GOLM2: variants seen among roughly 807,000 people sequenced by gnomAD.
The protein encoded by GOLM2 is protein GOLM2.
In GOLM2, 26 loss-of-function variants were observed where a neutral mutation model predicts 55.9. That is an observed-to-expected ratio of 0.47 (90% CI 0.34 to 0.65). The LOEUF (loss-of-function observed/expected upper bound fraction) is 0.65. Among genes scored for constraint, GOLM2 ranks in the 30% least tolerant of loss-of-function variants. The probability of loss-of-function intolerance (pLI) is 0.01; values close to 1 mark genes in which losing one functional copy is unlikely to be tolerated. For missense variants in GOLM2, 486 were observed against 531.8 expected, an observed-to-expected ratio of 0.91 and a Z score of 0.85; for synonymous variants, 165 against 194.6, an observed-to-expected ratio of 0.85 and a Z score of 1.27.
rs540625181 is a variant in GOLM2, at chr15:44,405,642, G to A, written c.1240+2588G>A. 4.6e-5 allele frequency among the ~76,000 whole-genome samples: 7 copies of A among 151,028 alleles called. No individual in the cohort carries two copies. The South Asian group carries it at 1.3e-3, about 27-fold the overall frequency. ...GTTTTTTTGCTTTTTTTTTTGAGAC[G>A]GAGTCTCACTCTGTCTCACCCAGGC... On this transcript the variant is annotated intron_variant, in intron 9 of 9. Coordinates refer to ENST00000299957, the MANE Select transcript of GOLM2 (RefSeq NM_138423.4).
chr15:44,392,485 C>T (rs1377906608), intron 8 of GOLM2, among the ~76,000 whole-genome samples: 6 of 151,672 alleles, frequency 4.0e-5, no homozygotes, highest in East Asian at 1.9e-4. Flanking sequence ...TAGCTGGGTG[C>T]GGTGGTGCGC....
intron 6 of GOLM2, among the ~76,000 whole-genome samples, chr15:44,360,873 C>G (rs2079232814): frequency 6.6e-6 from 1 of 152,136 alleles, no homozygotes; most frequent in African/African-American, 2.4e-5. Flanking sequence ...ACAGTGCAAT[C>G]AAGCTAGAAC....
chr15:44,401,794 A>G (rs1363739312), intron 8 of GOLM2, among the ~76,000 whole-genome samples: 1 of 150,508 alleles, frequency 6.6e-6, no homozygotes, highest in Non-Finnish European at 1.5e-5. Context: ...ATAGTTTTCT[A>G]CAGTAGGTAT....
At chr15:44,397,309 C>A (rs1414091630) in intron 8 of GOLM2, among the ~76,000 whole-genome samples, 1 of 151,766 alleles carries the variant, frequency 6.6e-6, no homozygotes, top group Non-Finnish European at 1.5e-5. Context: ...GAAACCCCAT[C>A]TCTACTAAAA....
chr15:44,413,246 A>G (rs2079650348), intron 9 of GOLM2, 90 bp from the exon 10 acceptor site: 1 of 879,616 alleles, frequency 1.1e-6, no homozygotes, highest in Non-Finnish European at 1.8e-6. Flanking sequence ...GCAGGAAACT[A>G]CCTTAAGGCT....
In GOLM2 at chr15:44,300,487, A is replaced by G. The variant is rs1365276099; in HGVS notation, c.327+11131A>G. ...GGACTGAGTAATCTCAGGAGGTTCC[A>G]TGAAGATCATAAAACAAGCTGCTTT... On this transcript the variant is annotated intron_variant, in intron 1 of 9. Coordinates refer to ENST00000299957, the MANE Select transcript of GOLM2 (RefSeq NM_138423.4). Among the ~76,000 whole-genome samples, 13 of 152,286 alleles carry G rather than the reference A, an allele frequency of 8.5e-5. No individual in the cohort carries two copies. The East Asian group carries it at 1.5e-3, about 18-fold the overall frequency.
chr15:44,300,300 A>G lies in GOLM2; in HGVS notation c.327+10944A>G, dbSNP rs531702152. Among the ~76,000 whole-genome samples, 120 of 152,260 alleles carry G rather than the reference A, an allele frequency of 7.9e-4. 2 individuals are homozygous for G. In the South Asian group the frequency reaches 0.013, roughly 16 times the overall value. On this transcript the variant is annotated intron_variant, in intron 1 of 9. Coordinates refer to ENST00000299957, the MANE Select transcript of GOLM2 (RefSeq NM_138423.4). ...AAGAAGTTTAGTCTTGTATTATTCT[A>G]TTGAAACCCAAGTATATTAATTCAG...
intron 8 of GOLM2, among the ~76,000 whole-genome samples, chr15:44,391,924 C>T (rs140688730): frequency 0.027 from 4,035 of 152,210 alleles, 95 homozygotes; most frequent in East Asian, 0.1. Context: ...AATCTCAGCT[C>T]ACCGCAACCT....
At chr15:44,358,417 T>C (rs548024522) in intron 6 of GOLM2, among the ~76,000 whole-genome samples, 28 of 152,198 alleles carry the variant, frequency 1.8e-4, no homozygotes, top group African/African-American at 6.5e-4. Context: ...CAACACAATA[T>C]TGAAGTCAAA....
At chr15:44,325,592 C>A (rs1237778976) in intron 2 of GOLM2, among the ~76,000 whole-genome samples, 1 of 152,184 alleles carries the variant, frequency 6.6e-6, no homozygotes, top group Non-Finnish European at 1.5e-5. Flanking sequence ...TCCGAAAGAT[C>A]ACCAATTGAA....
intron 2 of GOLM2, among the ~76,000 whole-genome samples, chr15:44,323,647 C>T (rs2078965302): frequency 6.6e-6 from 1 of 150,816 alleles, no homozygotes; most frequent in African/African-American, 2.4e-5. Flanking sequence ...TTCTGAGGAA[C>T]AATCCTCATC....
At chr15:44,311,158 A>G (rs1039095462) in intron 1 of GOLM2, among the ~76,000 whole-genome samples, 3 of 152,332 alleles carry the variant, frequency 2.0e-5, no homozygotes, top group Admixed American at 2.0e-4. Flanking sequence ...ATACTTATAC[A>G]TGTTCTACTT....
chr15:44,343,437 G>A (rs1189664196), intron 6 of GOLM2, among the ~76,000 whole-genome samples: 2 of 151,964 alleles, frequency 1.3e-5, no homozygotes, highest in Non-Finnish European at 1.5e-5. Flanking sequence ...CTGAAGTAGA[G>A]TATGCCAAAA....
intron 8 of GOLM2, among the ~76,000 whole-genome samples, chr15:44,397,126 T>C (rs1036213662): frequency 3.3e-5 from 5 of 152,102 alleles, no homozygotes; most frequent in Admixed American, 2.0e-4. Context: ...CAGAACTGTA[T>C]TAAAGGTTGT....
At chr15:44,299,636 A>G (rs1009193544) in intron 1 of GOLM2, among the ~76,000 whole-genome samples, 1 of 152,124 alleles carries the variant, frequency 6.6e-6, no homozygotes, top group Non-Finnish European at 1.5e-5. Context: ...TTTGGAGTCA[A>G]ACAGACTTGA....
chr15:44,389,355 C>A (rs1032032620), intron 8 of GOLM2, among the ~76,000 whole-genome samples: 12 of 152,128 alleles, frequency 7.9e-5, no homozygotes, highest in African/African-American at 2.6e-4. Context: ...CATGGCAGAA[C>A]CCTGTCTCTA....
chr15:44,386,065 G>T (rs1394049867), intron 8 of GOLM2, among the ~76,000 whole-genome samples: 1 of 152,018 alleles, frequency 6.6e-6, no homozygotes, highest in African/African-American at 2.4e-5. Context: ...TCTATTTTTT[G>T]TTTTTGTTCA....
chr15:44,409,882 C>T (rs2079625781), intron 9 of GOLM2: 1 of 150,062 alleles, frequency 6.7e-6, no homozygotes, highest in Non-Finnish European at 1.5e-5. Context: ...TGCCACTGCA[C>T]TCCAGCCTGG....
chr15:44,372,645 A>G (rs1313142118), intron 6 of GOLM2, among the ~76,000 whole-genome samples: 1 of 152,150 alleles, frequency 6.6e-6, no homozygotes, highest in Non-Finnish European at 1.5e-5. Context: ...TATCTATCTA[A>G]TTTAGAGGTA....
Sources: gnomAD v4.1 joint callset for allele counts (sites outside exome capture counted in the v4.1 genomes callset) on GRCh38, gnomAD v4.1.1 for gene constraint, MANE v1.5 for transcripts, NCBI Gene and HGNC (gene_info 2026-07-23, HGNC 2026-07-21) for gene names.